The following DEPTOR variants were observed in gnomAD, a reference collection of about 807,000 sequenced individuals.
DEPTOR encodes the protein DEP domain-containing mTOR-interacting protein.
Under a neutral mutation model 41.6 loss-of-function variants are expected in DEPTOR, and 41 were observed. The observed-to-expected ratio is 0.98, with a 90% CI of 0.77 to 1.28. DEPTOR has a LOEUF of 1.28. DEPTOR is among the 50% of genes most tolerant of loss of function. The pLI, the probability that DEPTOR is intolerant of heterozygous loss-of-function variation, is 0.00. For synonymous variants in DEPTOR, 195 were observed against 192.3 expected (o/e 1.01, Z -0.12); for missense variants, 514 against 527.9 (o/e 0.97, Z 0.26).
At chr8:119,901,255 T>C (rs1827586040) in intron 1 of DEPTOR, among the ~76,000 whole-genome samples, 1 of 152,240 alleles carries the variant, frequency 6.6e-6, no homozygotes, top group South Asian at 2.1e-4. Context: ...CAGTGTGCTA[T>C]TGAAACTGCT....
chr8:120,006,303 T>C (rs559437214), intron 6 of DEPTOR, among the ~76,000 whole-genome samples: 41 of 152,162 alleles, frequency 2.7e-4, no homozygotes, highest in African/African-American at 8.4e-4. Context: ...GCAGGCAGAT[T>C]GCCTGAGGTC....
chr8:119,977,727 AC>A (rs1304239498), intron 4 of DEPTOR, among the ~76,000 whole-genome samples: 3 of 152,220 alleles, frequency 2.0e-5, no homozygotes, highest in Non-Finnish European at 2.9e-5. Flanking sequence ...TCAAGCCTTA[AC>A]TTTTCAGAAA....
At chr8:120,009,728 G>A (rs566496338) in intron 8 of DEPTOR, among the ~76,000 whole-genome samples, 1 of 152,090 alleles carries the variant, frequency 6.6e-6, no homozygotes, top group Admixed American at 6.6e-5. Context: ...CTCCCTAAGC[G>A]TTTTGGCTTC....
chr8:120,042,996 A>T (rs1051440116), intron 8 of DEPTOR, among the ~76,000 whole-genome samples: 1 of 151,886 alleles, frequency 6.6e-6, no homozygotes, highest in Admixed American at 6.6e-5. Context: ...GATTACAGGT[A>T]TGTACCACCA....
At chr8:120,033,853 T>C (rs971917454) in intron 8 of DEPTOR, among the ~76,000 whole-genome samples, 13 of 152,136 alleles carry the variant, frequency 8.5e-5, no homozygotes, top group African/African-American at 2.7e-4. Context: ...AGTAGCTTGA[T>C]TGGCAACCCC....
chr8:119,941,373 CAAAAAA>C (rs749120675), intron 3 of DEPTOR, among the ~76,000 whole-genome samples: 7 of 39,964 alleles, frequency 1.8e-4, no homozygotes, highest in South Asian at 1.2e-3. Flanking sequence ...ATCTCCATCT[CAAAAAA>C]AAAAAAAAAA....
intron 8 of DEPTOR, among the ~76,000 whole-genome samples, chr8:120,018,462 C>G (rs1812645525): frequency 6.6e-6 from 1 of 152,090 alleles, no homozygotes; most frequent in African/African-American, 2.4e-5. Flanking sequence ...GCCCACAATC[C>G]CAGCTACTAG....
intron 8 of DEPTOR, among the ~76,000 whole-genome samples, chr8:120,038,130 G>A (rs991860954): frequency 2.0e-5 from 3 of 151,382 alleles, no homozygotes; most frequent in African/African-American, 4.9e-5. Context: ...TTAGCCAGAT[G>A]TGGTGGTGCA....
chr8:119,904,766 G>A (rs1041037367), intron 1 of DEPTOR, among the ~76,000 whole-genome samples: 1 of 151,922 alleles, frequency 6.6e-6, no homozygotes, highest in East Asian at 1.9e-4. Context: ...AAAGTGCTGG[G>A]ATTACAGGCA....
In DEPTOR at chr8:120,030,497, G is replaced by GTTTTTTTTTTTTT. The variant is rs1171655489; in HGVS notation, c.1102-19063_1102-19051dup. 3.9e-4 allele frequency among the ~76,000 whole-genome samples: 18 copies of GTTTTTTTTTTTTT among 46,214 alleles called. 3 individuals carry two copies. Among genetic ancestry groups the GTTTTTTTTTTTTT allele is most frequent in the Non-Finnish European group, 4.1e-4 (11 of 26,952 alleles). 30.3% of individuals were successfully genotyped at this position (46,214 alleles called of 152,430 possible). On this transcript the variant is annotated intron_variant, in intron 8 of 8. Transcript: ENST00000286234. ...AATGATGTATTGTGTAGGTTCATCA[G>GTTTTTTTTTTTTT]TTTTTTTTTTTTTTTTTTTTTTTTT...
At chr8:120,004,505 A>G (rs1295893767) in intron 6 of DEPTOR, among the ~76,000 whole-genome samples, 1 of 152,224 alleles carries the variant, frequency 6.6e-6, no homozygotes, top group Admixed American at 6.5e-5. Context: ...AGTTTCAATA[A>G]AAGGGTCAGT....
At chr8:119,936,432 A>T (rs1380755002) in intron 3 of DEPTOR, among the ~76,000 whole-genome samples, 1 of 152,244 alleles carries the variant, frequency 6.6e-6, no homozygotes, top group Non-Finnish European at 1.5e-5. Flanking sequence ...AACAATAGCC[A>T]GAATTCACCT....
At chr8:119,970,953 G>A (rs747511999) in intron 4 of DEPTOR, among the ~76,000 whole-genome samples, 2 of 152,002 alleles carry the variant, frequency 1.3e-5, no homozygotes, top group Non-Finnish European at 2.9e-5. Context: ...AAAATCGGCC[G>A]GGCACAGTGG....
At chr8:119,962,906 A>T (rs1828511226) in intron 3 of DEPTOR, among the ~76,000 whole-genome samples, 1 of 152,094 alleles carries the variant, frequency 6.6e-6, no homozygotes, top group South Asian at 2.1e-4. Context: ...TGAGGAAGAG[A>T]GAGGGGCCAA....
intron 3 of DEPTOR, among the ~76,000 whole-genome samples, chr8:119,941,023 A>G (rs568508881): frequency 6.6e-6 from 1 of 152,046 alleles, no homozygotes. Flanking sequence ...GTGGAGAGGG[A>G]TGGTGCTGAT....
intron 1 of DEPTOR, among the ~76,000 whole-genome samples, chr8:119,887,788 A>G (rs1258778191): frequency 6.6e-6 from 1 of 151,460 alleles, no homozygotes; most frequent in Admixed American, 6.6e-5. Flanking sequence ...TACAGGTGTG[A>G]GCCACTGCAG....
intron 1 of DEPTOR, among the ~76,000 whole-genome samples, chr8:119,876,938 T>C (rs1827238475): frequency 6.6e-6 from 1 of 152,238 alleles, no homozygotes; most frequent in East Asian, 1.9e-4. Flanking sequence ...TTAATTAGTA[T>C]TATTGGTCTC....
At chr8:120,021,151 C>T (rs1812707514) in intron 8 of DEPTOR, among the ~76,000 whole-genome samples, 1 of 145,080 alleles carries the variant, frequency 6.9e-6, no homozygotes, top group South Asian at 2.2e-4. Flanking sequence ...TCACATAATC[C>T]TAGCACTTTG....
intron 1 of DEPTOR, among the ~76,000 whole-genome samples, chr8:119,901,658 AG>A (rs1827592453): frequency 6.7e-6 from 1 of 150,214 alleles, no homozygotes; most frequent in African/African-American, 2.5e-5. Context: ...CCTGGGCAAC[AG>A]AGCAAGACTC....
Sources: allele counts gnomAD v4.1 joint callset (sites outside exome capture counted in the v4.1 genomes callset), GRCh38; gene constraint gnomAD v4.1.1; transcripts MANE v1.5; gene names NCBI Gene and HGNC (gene_info 2026-07-23, HGNC 2026-07-21).